ROBO1: variants seen among roughly 807,000 people sequenced by gnomAD.
ROBO1 encodes roundabout homolog 1.
ROBO1 carries 149 observed loss-of-function variants against 195.9 expected under a neutral mutation model. The ratio of observed to expected loss-of-function variants is 0.76; its 90% CI spans 0.67 to 0.87. ROBO1 has a LOEUF of 0.87. Among genes scored for constraint, ROBO1 ranks in the 40% least tolerant of loss-of-function variants. ROBO1 has a pLI of 0.00. For synonymous variants in ROBO1, 816 were observed against 733.2 expected (o/e 1.11, Z -1.82); for missense variants, 1,933 against 2,068.3 (o/e 0.93, Z 1.27).
Position 78,861,250 on chromosome 3 carries a change from A to C in ROBO1, c.499+77351T>G, listed in dbSNP as rs188620056. Among the ~76,000 whole-genome samples the C allele has an allele frequency of 1.5e-3, 235 of 152,284 alleles. 2 individuals are homozygous for C. Among genetic ancestry groups the C allele is most frequent in the African/African-American group, 5.3e-3 (221 of 41,554 alleles). On this transcript the variant is annotated intron_variant, in intron 4 of 30. Transcript: ENST00000464233. ...ACCTTTCCCAGTTGCTGAGGCTAGAAAGCGTCATATCTTGACTCTACATTT... is the reference window on the plus strand; with the variant it reads ...ACCTTTCCCAGTTGCTGAGGCTAGACAGCGTCATATCTTGACTCTACATTT...
chr3:79,475,283 T>C (rs1269740361), intron 2 of ROBO1, among the ~76,000 whole-genome samples: 3 of 152,012 alleles, frequency 2.0e-5, no homozygotes, highest in African/African-American at 7.2e-5. Context: ...TTCTGAACTA[T>C]TACGTACTTT....
intron 2 of ROBO1, among the ~76,000 whole-genome samples, chr3:79,439,580 A>C (rs1198606546): frequency 6.6e-6 from 1 of 152,128 alleles, no homozygotes; most frequent in Non-Finnish European, 1.5e-5. Flanking sequence ...TTCCATTACC[A>C]ACTGGCATAC....
intron 3 of ROBO1, among the ~76,000 whole-genome samples, chr3:79,026,146 A>G (rs1469157466): frequency 6.6e-6 from 1 of 152,138 alleles, no homozygotes; most frequent in African/African-American, 2.4e-5. Flanking sequence ...CCAGTTTCTA[A>G]TAGAATAAAA....
At chr3:79,048,299 T>G (rs932362940) in intron 3 of ROBO1, among the ~76,000 whole-genome samples, 1 of 152,148 alleles carries the variant, frequency 6.6e-6, no homozygotes, top group Non-Finnish European at 1.5e-5. Flanking sequence ...TTTTTCCTTA[T>G]GCTTTAGATT....
At chr3:78,972,125 C>G (rs1044950507) in intron 3 of ROBO1, among the ~76,000 whole-genome samples, 1 of 152,166 alleles carries the variant, frequency 6.6e-6, no homozygotes, top group Non-Finnish European at 1.5e-5. Flanking sequence ...ATAGTCATAA[C>G]AAGGAACATA....
chr3:79,562,746 C>A (rs1195599320), intron 2 of ROBO1, among the ~76,000 whole-genome samples: 4 of 151,888 alleles, frequency 2.6e-5, no homozygotes, highest in African/African-American at 7.2e-5. Flanking sequence ...AAATTTATTT[C>A]TTATTGTTTT....
At chr3:79,320,174 G>A (rs2033915466) in intron 2 of ROBO1, among the ~76,000 whole-genome samples, 1 of 152,154 alleles carries the variant, frequency 6.6e-6, no homozygotes, top group Non-Finnish European at 1.5e-5. Context: ...GGATTCTGCT[G>A]AGGAGCCTCT....
intron 2 of ROBO1, among the ~76,000 whole-genome samples, chr3:79,583,181 C>T (rs992374395): frequency 1.3e-5 from 2 of 151,890 alleles, no homozygotes; most frequent in Admixed American, 6.6e-5. Flanking sequence ...GAACAGTTTT[C>T]TTTAAACTTA....
intron 1 of ROBO1, among the ~76,000 whole-genome samples, chr3:79,637,195 A>G (rs912593756): frequency 6.6e-5 from 10 of 152,156 alleles, no homozygotes; most frequent in Non-Finnish European, 1.5e-4. Context: ...ATTAATATCA[A>G]ATGGAAATTT....
At chr3:79,087,889 A>G (rs1231657011) in intron 3 of ROBO1, among the ~76,000 whole-genome samples, 4 of 152,106 alleles carry the variant, frequency 2.6e-5, no homozygotes, top group Non-Finnish European at 5.9e-5. Context: ...ACGTCTTTCT[A>G]AAGACTTGTT....
At chr3:79,224,740 T>G (rs543364856) in intron 2 of ROBO1, among the ~76,000 whole-genome samples, 2 of 152,372 alleles carry the variant, frequency 1.3e-5, no homozygotes, top group South Asian at 4.1e-4. Context: ...GTGTATGAAC[T>G]CGTTCATTTA....
chr3:78,656,995 T>C, intron 18 of ROBO1, 103 bp downstream of exon 18: 1 of 1,078,340 alleles, frequency 9.3e-7, no homozygotes, highest in Non-Finnish European at 1.3e-6. Context: ...TTCCATATTC[T>C]ATTAAATTAG....
chr3:79,424,937 A>G (rs1230375782), intron 2 of ROBO1, among the ~76,000 whole-genome samples: 2 of 152,174 alleles, frequency 1.3e-5, no homozygotes, highest in Middle Eastern at 3.2e-3. Flanking sequence ...TCATGCTAGA[A>G]GGAAGTAAAA....
In ROBO1 at chr3:79,514,768, A is replaced by G. The variant is rs75164589; in HGVS notation, c.88+75056T>C. Among the ~76,000 whole-genome samples, 174 of 152,324 alleles carry G rather than the reference A, an allele frequency of 1.1e-3. 4 individuals are homozygous for G. The East Asian group carries it at 0.031, about 27-fold the overall frequency. On this transcript the variant is annotated intron_variant, in intron 2 of 30. Coordinates refer to ENST00000464233, the MANE Select transcript of ROBO1 (RefSeq NM_002941.4). Reference sequence around the variant, plus strand: ...GTAGCTTAATGTATACATTCAGCAAATTCAAACACAGACACTAAAATGAAC... The same window carrying G: ...GTAGCTTAATGTATACATTCAGCAAGTTCAAACACAGACACTAAAATGAAC...
At chr3:78,849,561 A>G (rs2033903167) in intron 4 of ROBO1, among the ~76,000 whole-genome samples, 1 of 152,094 alleles carries the variant, frequency 6.6e-6, no homozygotes. Context: ...AACTAAGAAA[A>G]GTTGAAAATA....
At chr3:79,177,487 C>T (rs1378922134) in intron 2 of ROBO1, among the ~76,000 whole-genome samples, 1 of 152,158 alleles carries the variant, frequency 6.6e-6, no homozygotes, top group African/African-American at 2.4e-5. Context: ...TCCCCTGCCA[C>T]CCTTCACTTC....
At chr3:79,580,989 C>T (rs1245959568) in intron 2 of ROBO1, among the ~76,000 whole-genome samples, 1 of 152,034 alleles carries the variant, frequency 6.6e-6, no homozygotes, top group Non-Finnish European at 1.5e-5. Flanking sequence ...GTTTATATAA[C>T]AAAGGATACA....
chr3:78,736,694 G>T (rs77915618), intron 5 of ROBO1, among the ~76,000 whole-genome samples: 4 of 152,268 alleles, frequency 2.6e-5, no homozygotes, highest in Non-Finnish European at 5.9e-5. Flanking sequence ...TAATTGTATT[G>T]TCATCTAAAC....
intron 1 of ROBO1, among the ~76,000 whole-genome samples, chr3:79,618,760 C>T (rs62258649): frequency 0.27 from 41,272 of 152,064 alleles, 6,620 homozygotes; most frequent in African/African-American, 0.45. Flanking sequence ...GATCCACCTA[C>T]GACCTCGGGT....
Sources: gnomAD v4.1 joint callset for allele counts (sites outside exome capture counted in the v4.1 genomes callset) on GRCh38, gnomAD v4.1.1 for gene constraint, MANE v1.5 for transcripts, NCBI Gene and HGNC (gene_info 2026-07-23, HGNC 2026-07-21) for gene names.